The following SLC39A9 variants were observed in gnomAD, a reference collection of about 807,000 sequenced individuals.
The protein encoded by SLC39A9 is solute carrier family 39 member 9.
Under a neutral mutation model 28.4 loss-of-function variants are expected in SLC39A9, and 14 were observed. That is an observed-to-expected ratio of 0.49 (90% confidence interval 0.33 to 0.77). The LOEUF (loss-of-function observed/expected upper bound fraction) is 0.77. SLC39A9 is among the 30% of genes least tolerant of loss of function. The pLI is 0.02. For missense variants in SLC39A9, 283 were observed against 381.1 expected, an observed-to-expected ratio of 0.74 and a Z score of 2.14; for synonymous variants, 119 against 149.6, an observed-to-expected ratio of 0.80 and a Z score of 1.49.
chr14:69,417,009 C>T (rs1566910724), intron 1 of SLC39A9, among the ~76,000 whole-genome samples: 1 of 152,172 alleles, frequency 6.6e-6, no homozygotes. Flanking sequence ...ACTTTTGTTG[C>T]CATTGCTTTT....
chr14:69,449,580 G>A (rs1204953535), intron 3 of SLC39A9, among the ~76,000 whole-genome samples: 1 of 152,110 alleles, frequency 6.6e-6, no homozygotes, highest in Non-Finnish European at 1.5e-5. Flanking sequence ...AGCTATGATT[G>A]TGCTACTGTA....
In SLC39A9 at chr14:69,431,371, T is replaced by C. The variant is rs116499810; in HGVS notation, c.205+7169T>C. Among the ~76,000 whole-genome samples, 447 of 152,014 alleles carry C rather than the reference T, an allele frequency of 2.9e-3. 3 individuals are homozygous for C. Among genetic ancestry groups the C allele is most frequent in the African/African-American group, 0.01 (435 of 41,494 alleles). On this transcript the variant is annotated intron_variant, in intron 2 of 6. Coordinates refer to ENST00000336643, the MANE Select transcript of SLC39A9 (RefSeq NM_018375.5). Reference sequence around the variant, plus strand: ...CGTAAATAATCATGTCGTCTGTGAATAGGGACAGCTTAACCTTTTCCTTTC... The same window carrying C: ...CGTAAATAATCATGTCGTCTGTGAACAGGGACAGCTTAACCTTTTCCTTTC...
chr14:69,450,347 A>G (rs1466166751), intron 3 of SLC39A9, among the ~76,000 whole-genome samples: 1 of 152,180 alleles, frequency 6.6e-6, no homozygotes, highest in Non-Finnish European at 1.5e-5. Flanking sequence ...CTTCACTTCT[A>G]TGTGTTTTGA....
At chr14:69,440,790 C>T (rs993715694) in intron 2 of SLC39A9, among the ~76,000 whole-genome samples, 18 of 152,338 alleles carry the variant, frequency 1.2e-4, no homozygotes, top group African/African-American at 3.6e-4. Flanking sequence ...TCTCCTGCCT[C>T]AGCCTCCTGA....
intron 1 of SLC39A9, among the ~76,000 whole-genome samples, chr14:69,413,782 G>A (rs1883416965): frequency 6.6e-6 from 1 of 152,078 alleles, no homozygotes; most frequent in African/African-American, 2.4e-5. Context: ...TTGTCATGGA[G>A]TGCAATGCTG....
At position 69,460,751 on chromosome 14, in the gene SLC39A9, C is replaced by G; in HGVS notation, c.*2158C>G. The G allele has an allele frequency of 1.0e-6, 1 of 985,480 alleles. No homozygotes were observed. Among genetic ancestry groups the G allele is most frequent in the Non-Finnish European group, 1.2e-6 (1 of 829,964 alleles). 61.0% of individuals were successfully genotyped at this position (985,480 alleles called of 1,614,324 possible). A position where few individuals can be genotyped will look rare whatever the true frequency, so the allele number is the denominator to read the frequency against. ...AATTTGCCTTCCCCTCTGGACCTCA[C>G]TATTAACAAGCAAACCTTTCAGGGC... On this transcript the variant is annotated 3_prime_UTR_variant, in exon 7 of 7. Transcript: ENST00000336643.
intron 1 of SLC39A9, among the ~76,000 whole-genome samples, chr14:69,400,697 A>T (rs545475538): frequency 3.0e-4 from 45 of 152,304 alleles, no homozygotes; most frequent in African/African-American, 1.0e-3. Flanking sequence ...GGTGGGAAAG[A>T]AGGTGGGACA....
chr14:69,450,193 T>TA (rs71102655), intron 3 of SLC39A9, among the ~76,000 whole-genome samples: 8,576 of 143,400 alleles, frequency 0.06, 321 homozygotes, highest in East Asian at 0.097. Flanking sequence ...CATCTCAAAA[T>TA]AAAAAAAAAA....
chr14:69,421,211 A>G (rs1241329895), intron 1 of SLC39A9, among the ~76,000 whole-genome samples: 1 of 152,158 alleles, frequency 6.6e-6, no homozygotes, highest in Admixed American at 6.5e-5. Context: ...TGTTGATGCT[A>G]TTCCTTTCTG....
chr14:69,429,399 A>G (rs1253369976), intron 2 of SLC39A9: 1 of 151,134 alleles, frequency 6.6e-6, no homozygotes, highest in Admixed American at 6.6e-5. Flanking sequence ...ATGTTTGGCT[A>G]TTCCTTCACC....
intron 2 of SLC39A9, among the ~76,000 whole-genome samples, chr14:69,426,872 A>G (rs1015611646): frequency 3.3e-5 from 5 of 152,206 alleles, no homozygotes; most frequent in African/African-American, 1.2e-4. Context: ...TTGTAAGTGT[A>G]TAGTGTATAT....
intron 4 of SLC39A9, 21 bp from the exon 5 acceptor site, chr14:69,454,791 T>G (rs543807274): frequency 8.1e-6 from 13 of 1,602,690 alleles, no homozygotes; most frequent in Admixed American, 5.0e-5. Context: ...GTATTTTATG[T>G]TTCCTTGTTT....
At chr14:69,445,636 G>A (rs1303171640) in intron 3 of SLC39A9, among the ~76,000 whole-genome samples, 1 of 152,130 alleles carries the variant, frequency 6.6e-6, no homozygotes, top group Non-Finnish European at 1.5e-5. Flanking sequence ...CAGTGGTCAA[G>A]TGTATCTACT....
intron 2 of SLC39A9, among the ~76,000 whole-genome samples, chr14:69,437,103 A>C (rs1884801172): frequency 6.6e-6 from 1 of 152,010 alleles, no homozygotes; most frequent in Non-Finnish European, 1.5e-5. Flanking sequence ...TTCTGACCTC[A>C]TGATCCACCT....
intron 1 of SLC39A9, among the ~76,000 whole-genome samples, chr14:69,419,042 G>C (rs918754049): frequency 6.6e-6 from 1 of 152,096 alleles, no homozygotes; most frequent in Non-Finnish European, 1.5e-5. Flanking sequence ...CTTGCCTTCT[G>C]CTAGCTTTTG....
intron 5 of SLC39A9, 100 bp downstream of exon 5, chr14:69,454,997 A>G: frequency 3.7e-6 from 3 of 815,574 alleles, no homozygotes; most frequent in Admixed American, 4.9e-5. Flanking sequence ...CATTTTCTTC[A>G]TTTCATAATT....
At chr14:69,416,954 G>C (rs577358591) in intron 1 of SLC39A9, among the ~76,000 whole-genome samples, 2 of 152,080 alleles carry the variant, frequency 1.3e-5, no homozygotes, top group African/African-American at 4.8e-5. Flanking sequence ...TTCTTTTGCC[G>C]TGCAGAAGCT....
intron 1 of SLC39A9, among the ~76,000 whole-genome samples, chr14:69,403,841 C>T (rs1164033581): frequency 2.0e-5 from 3 of 151,636 alleles, no homozygotes; most frequent in Admixed American, 1.3e-4. Context: ...GTCGGGAGTT[C>T]GAGACCACCC....
rs138875248 is a variant in SLC39A9 at position 69,455,045 on chromosome 14, G to A, written c.558+148G>A. On this transcript the variant is annotated intron_variant, in intron 5 of 6. Coordinates refer to ENST00000336643, the MANE Select transcript of SLC39A9 (RefSeq NM_018375.5). ...GGAAAATTGAATAAATCTGTTCATA[G>A]CTTCTTGTTCCCATTTTCTTAAGCT... The A allele has an allele frequency of 1.1e-3, 693 of 606,582 alleles. 4 individuals are homozygous for A. Among genetic ancestry groups the A allele is most frequent in the African/African-American group, 0.011 (576 of 53,582 alleles). 37.6% of individuals were successfully genotyped at this position (606,582 alleles called of 1,614,324 possible).
Sources: allele counts gnomAD v4.1 joint callset (sites outside exome capture counted in the v4.1 genomes callset), GRCh38; gene constraint gnomAD v4.1.1; transcripts MANE v1.5; gene names NCBI Gene and HGNC (gene_info 2026-07-23, HGNC 2026-07-21).